The following LGR5 variants were observed in gnomAD, a reference collection of about 807,000 sequenced individuals.
The protein encoded by LGR5 is leucine-rich repeat-containing G protein-coupled receptor 5.
A neutral mutation model predicts 76.7 loss-of-function variants in LGR5; 54 were observed. The ratio of observed to expected loss-of-function variants is 0.70; its 90% CI spans 0.57 to 0.88. The LOEUF (loss-of-function observed/expected upper bound fraction) is 0.88, where lower values mean the gene tolerates loss of function less well. Among genes scored for constraint, LGR5 ranks in the 40% least tolerant of loss-of-function variants. The probability of loss-of-function intolerance (pLI) is 0.00; values close to 1 mark genes in which losing one functional copy is unlikely to be tolerated. For synonymous variants in LGR5, 406 were observed against 421.9 expected, an observed-to-expected ratio of 0.96 and a Z score of 0.46; for missense variants, 1,078 against 1,073.3, an observed-to-expected ratio of 1.00 and a Z score of -0.06.
intron 3 of LGR5, among the ~76,000 whole-genome samples, chr12:71,530,855 G>A (rs769577786): frequency 5.3e-5 from 8 of 151,998 alleles, no homozygotes; most frequent in Non-Finnish European, 1.2e-4. Flanking sequence ...AGCCTTGATG[G>A]TTACTTGATA....
chr12:71,575,490 C>T (rs753907120), intron 13 of LGR5, among the ~76,000 whole-genome samples: 1 of 152,096 alleles, frequency 6.6e-6, no homozygotes, highest in Non-Finnish European at 1.5e-5. Context: ...GGGCAGAACA[C>T]TTGAGGTCAG....
chr12:71,505,951 A>G (rs865927941), intron 2 of LGR5, among the ~76,000 whole-genome samples: 18 of 152,056 alleles, frequency 1.2e-4, no homozygotes, highest in African/African-American at 4.1e-4. Flanking sequence ...CCTTCATAGG[A>G]GCTGGAACAA....
At chr12:71,540,431 T>C (rs938779170) in intron 4 of LGR5, among the ~76,000 whole-genome samples, 1 of 152,242 alleles carries the variant, frequency 6.6e-6, no homozygotes, top group Non-Finnish European at 1.5e-5. Flanking sequence ...AATTAACTAA[T>C]ATTCATCTTC....
intron 13 of LGR5, among the ~76,000 whole-genome samples, chr12:71,574,602 C>G (rs932505210): frequency 1.6e-4 from 24 of 152,118 alleles, no homozygotes; most frequent in African/African-American, 5.1e-4. Context: ...GCTTCAAAAA[C>G]TTTCTAATTA....
chr12:71,454,852 A>C (rs955992642), intron 1 of LGR5, among the ~76,000 whole-genome samples: 4 of 151,858 alleles, frequency 2.6e-5, no homozygotes, highest in African/African-American at 7.3e-5. Context: ...GAAAAAAAAA[A>C]CACTCATTGT....
Position 71,535,147 on chromosome 12 carries a change from C to A in LGR5, c.389C>A (p.Pro130His). The change falls in exon 4 of 18, where the codon CCC (proline) becomes CAC (histidine). Residue 130 changes from proline (P) to histidine (H), a missense_variant. By Grantham distance (77) the Pro-to-His change is moderately conservative (BLOSUM62 -2). Transcript: ENST00000266674. The part of the protein sequence containing the change: ...MLQNNQLRHV[P>H]TEALQNLRSL... ...CAGAATAATCAGCTAAGACACGTAC[C>A]CACAGAAGCTCTGCAGAATTTGCGA... The A allele has an allele frequency of 6.2e-7, 1 of 1,612,040 alleles. No individual in the cohort carries two copies. The highest frequency in any genetic ancestry group is 8.5e-7 in the Non-Finnish European group (1 of 1,178,604).
chr12:71,575,722 A>ATGTGTGTGTGTG (rs140264650), intron 13 of LGR5, among the ~76,000 whole-genome samples: 6 of 144,760 alleles, frequency 4.1e-5, no homozygotes, highest in African/African-American at 1.6e-4. Context: ...AAAAATATAT[A>ATGTGTGTGTGTG]TGTGTGTGTG....
intron 1 of LGR5, among the ~76,000 whole-genome samples, chr12:71,490,901 G>T (rs1270674227): frequency 6.6e-6 from 1 of 152,170 alleles, no homozygotes; most frequent in Non-Finnish European, 1.5e-5. Flanking sequence ...GATATGGTTT[G>T]GCTGTGTCCC....
At chr12:71,466,287 A>G (rs1872859996) in intron 1 of LGR5, among the ~76,000 whole-genome samples, 1 of 152,242 alleles carries the variant, frequency 6.6e-6, no homozygotes, top group African/African-American at 2.4e-5. Context: ...CTTCTGTATC[A>G]TCAACTCTGA....
chr12:71,582,345 G>T, intron 16 of LGR5, 111 bp from the exon 17 acceptor site: 1 of 836,812 alleles, frequency 1.2e-6, no homozygotes. Context: ...TAGAGCACAA[G>T]GAATTTGTGA....
At chr12:71,539,100 G>C (rs995307392) in intron 4 of LGR5, among the ~76,000 whole-genome samples, 12 of 152,116 alleles carry the variant, frequency 7.9e-5, no homozygotes, top group African/African-American at 2.7e-4. Context: ...CACTGCCTAA[G>C]AAATGCAGAA....
intron 11 of LGR5, among the ~76,000 whole-genome samples, chr12:71,570,202 G>C (rs968058747): frequency 6.6e-6 from 1 of 152,126 alleles, no homozygotes; most frequent in Non-Finnish European, 1.5e-5. Flanking sequence ...AAGCTAATGC[G>C]TCCGGGGCTT....
chr12:71,552,330 C>T (rs113612666), intron 4 of LGR5, among the ~76,000 whole-genome samples: 19 of 152,104 alleles, frequency 1.2e-4, no homozygotes, highest in African/African-American at 3.4e-4. Flanking sequence ...TTTGGGAGGC[C>T]GAGGTGGGCA....
chr12:71,582,793 C>T (rs1464264256), intron 17 of LGR5, among the ~76,000 whole-genome samples: 1 of 152,032 alleles, frequency 6.6e-6, no homozygotes, highest in Non-Finnish European at 1.5e-5. Flanking sequence ...TTGTTAGAGG[C>T]ATATGTAATT....
At chr12:71,577,342 T>C (rs1878901215) in intron 13 of LGR5, among the ~76,000 whole-genome samples, 1 of 152,198 alleles carries the variant, frequency 6.6e-6, no homozygotes, top group Non-Finnish European at 1.5e-5. Flanking sequence ...TATTTCCCCA[T>C]AAACTGTACT....
chr12:71,493,844 C>G (rs1477912514), intron 1 of LGR5, among the ~76,000 whole-genome samples: 2 of 148,068 alleles, frequency 1.4e-5, no homozygotes, highest in Non-Finnish European at 3.0e-5. Context: ...TCACAGCTCA[C>G]TGAAGCGGTG....
In LGR5 at chr12:71,501,574, AC is replaced by A. The variant is rs1447827120; in HGVS notation, c.213-3038del. On this transcript the variant is annotated intron_variant, in intron 1 of 17. Transcript: ENST00000266674. ...TATGAAGGCAAGAGGAGCATCGCTC[AC>A]CAAAGAGAAGTCAAGGACCCACCCC... is the stretch of plus-strand genomic sequence containing the variant. Among the ~76,000 whole-genome samples, 9 of 152,368 alleles carry A rather than the reference AC, an allele frequency of 5.9e-5. No homozygotes were observed. The East Asian group carries it at 1.7e-3, about 29-fold the overall frequency.
intron 13 of LGR5, among the ~76,000 whole-genome samples, chr12:71,574,745 T>C (rs1296655296): frequency 1.3e-5 from 2 of 152,176 alleles, no homozygotes; most frequent in Non-Finnish European, 1.5e-5. Flanking sequence ...GTGTTTCTCC[T>C]ATTCCCATTG....
intron 16 of LGR5, among the ~76,000 whole-genome samples, chr12:71,581,724 G>C (rs1879099902): frequency 6.6e-6 from 1 of 152,168 alleles, no homozygotes; most frequent in Admixed American, 6.5e-5. Context: ...TTATTAGAGA[G>C]CCTACTTTGT....
Sources: gnomAD v4.1 joint callset for allele counts (sites outside exome capture counted in the v4.1 genomes callset) on GRCh38, gnomAD v4.1.1 for gene constraint, MANE v1.5 for transcripts, NCBI Gene and HGNC (gene_info 2026-07-23, HGNC 2026-07-21) for gene names.